MMP26: variants seen among roughly 807,000 people sequenced by gnomAD.
The protein encoded by MMP26 is matrix metallopeptidase 26, also known as matrix metalloproteinase-26.
MMP26 carries 33 observed loss-of-function variants against 31.0 expected under a neutral mutation model. The ratio of observed to expected loss-of-function variants is 1.06; its 90% CI spans 0.81 to 1.42. The LOEUF is 1.42. MMP26 is among the 40% of genes most tolerant of loss of function. MMP26 has a pLI of 0.00. For missense variants in MMP26, 347 were observed against 316.1 expected, an observed-to-expected ratio of 1.10 and a Z score of -0.74; for synonymous variants, 122 against 114.9, an observed-to-expected ratio of 1.06 and a Z score of -0.40.
chr11:4,858,411 A>T (rs1850089366), intron 2 of MMP26, among the ~76,000 whole-genome samples: 1 of 152,174 alleles, frequency 6.6e-6, no homozygotes, highest in African/African-American at 2.4e-5. Flanking sequence ...CAAAAATCAC[A>T]AGCATTCCTA....
At chr11:4,773,111 C>A (rs566448431) in intron 2 of MMP26, among the ~76,000 whole-genome samples, 41 of 152,248 alleles carry the variant, frequency 2.7e-4, no homozygotes, top group Non-Finnish European at 5.6e-4. Flanking sequence ...AGAGTTTTCA[C>A]CCAAATATCT....
chr11:4,724,137 C>T (rs1476384732), intron 1 of MMP26: 6 of 609,168 alleles, frequency 9.8e-6, no homozygotes, highest in Non-Finnish European at 1.5e-5. Context: ...TAGAGGTGGA[C>T]ACCTCGTAGG....
chr11:4,777,220 C>T (rs1446161394), intron 2 of MMP26, among the ~76,000 whole-genome samples: 1 of 152,068 alleles, frequency 6.6e-6, no homozygotes, highest in Non-Finnish European at 1.5e-5. Flanking sequence ...GAGATTTGGT[C>T]CCCTCTAGCT....
intron 1 of MMP26, chr11:4,709,934 T>G (rs1048683900): frequency 2.2e-6 from 1 of 456,866 alleles, no homozygotes; most frequent in Non-Finnish European, 4.4e-6. Context: ...CAATGGCCTT[T>G]GACCGCTTTA....
chr11:4,771,736 A>T (rs1169022083), intron 2 of MMP26, among the ~76,000 whole-genome samples: 3 of 152,166 alleles, frequency 2.0e-5, no homozygotes, highest in Non-Finnish European at 4.4e-5. Context: ...TTATGCTAGT[A>T]TTCTGTGGTT....
At chr11:4,949,864 T>C (rs1846354289) in intron 2 of MMP26, among the ~76,000 whole-genome samples, 1 of 123,750 alleles carries the variant, frequency 8.1e-6, no homozygotes, top group Admixed American at 9.0e-5. Context: ...TGAACTAATG[T>C]ATGTATACCC....
chr11:4,905,834 T>A (rs574914771), intron 2 of MMP26, among the ~76,000 whole-genome samples: 1 of 152,260 alleles, frequency 6.6e-6, no homozygotes, highest in African/African-American at 2.4e-5. Context: ...ATATTTTACT[T>A]CTGAAAGTAA....
At position 4,926,732 on chromosome 11, in the gene MMP26, A is replaced by T. The variant is rs150809329; in HGVS notation, c.-144-61336A>T. Among the ~76,000 whole-genome samples, 52 of 152,294 alleles carry T rather than the reference A, an allele frequency of 3.4e-4. 2 individuals are homozygous for T. The East Asian group carries it at 4.1e-3, about 12-fold the overall frequency. ...ATAGTCCTTGCATATTATATTTTGG[A>T]TATGGGTAAGAGGCAAGTGTATAAG... is the stretch of plus-strand genomic sequence containing the variant. On this transcript the variant is annotated intron_variant, in intron 2 of 7. Coordinates refer to ENST00000380390, the MANE Select transcript of MMP26 (RefSeq NM_021801.5).
chr11:4,831,818 G>T (rs568102510), intron 2 of MMP26, among the ~76,000 whole-genome samples: 18 of 152,012 alleles, frequency 1.2e-4, no homozygotes, highest in Non-Finnish European at 1.6e-4. Context: ...AAAAGCAAGG[G>T]TTTCAAAAAA....
At chr11:4,854,260 G>A (rs573427526) in intron 2 of MMP26, among the ~76,000 whole-genome samples, 6 of 152,268 alleles carry the variant, frequency 3.9e-5, no homozygotes, top group African/African-American at 7.2e-5. Context: ...GAAACAGGGC[G>A]GGGCATCGCC....
intron 2 of MMP26, among the ~76,000 whole-genome samples, chr11:4,874,868 A>G (rs1011760438): frequency 3.3e-5 from 5 of 152,132 alleles, no homozygotes; most frequent in Admixed American, 3.3e-4. Context: ...GATTCCCCAT[A>G]GATTTAACTA....
At chr11:4,962,741 A>T (rs561263596) in intron 2 of MMP26, among the ~76,000 whole-genome samples, 1 of 152,158 alleles carries the variant, frequency 6.6e-6, no homozygotes, top group Non-Finnish European at 1.5e-5. Flanking sequence ...ATTTACATAC[A>T]TTGTTGGACT....
intron 2 of MMP26, among the ~76,000 whole-genome samples, chr11:4,813,220 G>A (rs554515478): frequency 9.2e-5 from 14 of 152,116 alleles, no homozygotes; most frequent in African/African-American, 3.4e-4. Flanking sequence ...TGCACCAGTG[G>A]ACTTTTAAAT....
Position 4,992,102 on chromosome 11 carries a change from T to C in MMP26, c.734T>C (p.Ile245Thr). The C allele has an allele frequency of 1.2e-6, 2 of 1,613,416 alleles. No individual in the cohort carries two copies. The highest frequency in any genetic ancestry group is 1.7e-6 in the Non-Finnish European group (2 of 1,179,794). The change falls in exon 7 of 8, where the codon ATC becomes ACC. Residue 245 changes from isoleucine to threonine, a missense_variant. By Grantham distance (89) the Ile-to-Thr change is moderately conservative (BLOSUM62 -1). Transcript: ENST00000380390. ...ACCTTCCAGCTCAGTGCCGATGATA[T>C]CCAAAGGATCCAGCATTTGTATGGT... ...PRTFQLSADD[I>T]QRIQHLYGEK... is the part of the protein sequence containing the mutation.
intron 2 of MMP26, chr11:4,946,497 A>C (rs1438846607): frequency 1.2e-6 from 2 of 1,610,578 alleles, no homozygotes; most frequent in Non-Finnish European, 1.7e-6. Flanking sequence ...GCTCCAAAAA[A>C]GCCATAGATA....
At chr11:4,771,572 A>G (rs911487525) in intron 2 of MMP26, among the ~76,000 whole-genome samples, 1 of 152,224 alleles carries the variant, frequency 6.6e-6, no homozygotes, top group Non-Finnish European at 1.5e-5. Context: ...ATATATTTAT[A>G]TTGTTCAAAT....
intron 2 of MMP26, among the ~76,000 whole-genome samples, chr11:4,982,862 C>G (rs11820492): frequency 0.045 from 6,872 of 152,198 alleles, 518 homozygotes; most frequent in African/African-American, 0.16. Context: ...CCCAGCGTTC[C>G]TACAACATTG....
At chr11:4,917,308 C>G (rs1340249365) in intron 2 of MMP26, among the ~76,000 whole-genome samples, 1 of 152,094 alleles carries the variant, frequency 6.6e-6, no homozygotes, top group Admixed American at 6.5e-5. Context: ...TTTCTAAGAT[C>G]AGACAAATAG....
At chr11:4,855,380 C>T (rs944896149) in intron 2 of MMP26, among the ~76,000 whole-genome samples, 1 of 152,108 alleles carries the variant, frequency 6.6e-6, no homozygotes, top group Admixed American at 6.5e-5. Context: ...CCTTAAATGA[C>T]CTGAAATGAG....
Sources: allele counts gnomAD v4.1 joint callset (sites outside exome capture counted in the v4.1 genomes callset), GRCh38; gene constraint gnomAD v4.1.1; transcripts MANE v1.5; gene names NCBI Gene and HGNC (gene_info 2026-07-23, HGNC 2026-07-21).